CBY2: variants seen among roughly 807,000 people sequenced by gnomAD.
CBY2 encodes the protein chibby family member 2.
CBY2 carries 23 observed loss-of-function variants against 25.3 expected under a neutral mutation model. The ratio of observed to expected loss-of-function variants is 0.91; its 90% CI spans 0.65 to 1.29. CBY2 has a LOEUF of 1.29. Among genes scored for constraint, CBY2 ranks in the 50% most tolerant of loss-of-function variants. The probability of loss-of-function intolerance (pLI) is 0.00; values close to 1 mark genes in which losing one functional copy is unlikely to be tolerated. For missense variants in CBY2, 642 were observed against 590.7 expected (o/e 1.09, Z -0.90); for synonymous variants, 279 against 260.2 (o/e 1.07, Z -0.70).
chr13:45,710,447 C>T (rs1043787875), intron 2 of CBY2, among the ~76,000 whole-genome samples: 5 of 152,128 alleles, frequency 3.3e-5, no homozygotes, highest in Admixed American at 6.5e-5. Context: ...TGCTTGAACC[C>T]GGAAGGCGGA....
chr13:45,707,819 T>C (rs1033033574), intron 2 of CBY2, among the ~76,000 whole-genome samples: 1 of 152,228 alleles, frequency 6.6e-6, no homozygotes, highest in African/African-American at 2.4e-5. Context: ...TTATCAGCTA[T>C]GTAATCTTAT....
intron 2 of CBY2, among the ~76,000 whole-genome samples, chr13:45,712,886 G>A (rs9316153): frequency 0.71 from 107,462 of 152,120 alleles, 41,288 homozygotes; most frequent in Non-Finnish European, 0.88. Flanking sequence ...TGTATTGCTT[G>A]GTTGACAAAA....
rs533443725 is a variant in CBY2, at chr13:45,713,681, T to C, written c.656T>C (p.Leu219Pro). The change falls in exon 3 of 3, where the codon CTG becomes CCG. Residue 219 changes from leucine (L) to proline (P), a missense_variant. By Grantham distance (98) the Leu-to-Pro change is moderately conservative (BLOSUM62 -3). Coordinates refer to ENST00000310521, the MANE Select transcript of CBY2 (RefSeq NM_152719.3). The surrounding 1 kb of genome is among the most constrained non-coding windows in gnomAD (Gnocchi z 5.0). ...GAGAGCCGGGCCCCCTCGCCACTGC[T>C]GCACAAAGACAGCGCGTCCCTGGAG... ...REESRAPSPLLHKDSASLEVV... is the reference protein window; with the variant it reads ...REESRAPSPLPHKDSASLEVV... 6.2e-7 allele frequency: 1 copy of C among 1,612,866 alleles called. No individual in the cohort carries two copies. Among genetic ancestry groups the C allele is most frequent in the Non-Finnish European group, 8.5e-7 (1 of 1,179,968 alleles).
At chr13:45,710,513 A>C (rs9316151) in intron 2 of CBY2, among the ~76,000 whole-genome samples, 124,377 of 152,022 alleles carry the variant, frequency 0.82, 51,459 homozygotes, top group African/African-American at 0.85. Context: ...ACAGAGTGAG[A>C]CTCCGTCTCA....
chr13:45,703,629 G>A, intron 2 of CBY2: 1 of 1,525,164 alleles, frequency 6.6e-7, no homozygotes, highest in Non-Finnish European at 8.9e-7. Flanking sequence ...ATGTGTAGGA[G>A]GAGGATTGAC....
chr13:45,704,739 C>T lies in CBY2; in HGVS notation c.156+1884C>T, dbSNP rs1285189936. Among the ~76,000 whole-genome samples, 3 of 152,202 alleles carry T rather than the reference C, an allele frequency of 2.0e-5. No individual in the cohort carries two copies. Among genetic ancestry groups the T allele is most frequent in the Non-Finnish European group, 4.4e-5 (3 of 68,026 alleles). Reference sequence around the variant, plus strand: ...TTACAGGTACAGGAACCGGCAACCCCAGGAACCCCACTAGTAATGGCAGAG... The same window carrying T: ...TTACAGGTACAGGAACCGGCAACCCTAGGAACCCCACTAGTAATGGCAGAG... On this transcript the variant is annotated intron_variant, in intron 2 of 2. Transcript: ENST00000310521. The surrounding 1 kb of genome is among the most constrained non-coding windows in gnomAD (Gnocchi z 4.1).
intron 2 of CBY2, chr13:45,703,421 C>T: frequency 1.3e-6 from 2 of 1,506,310 alleles, no homozygotes; most frequent in East Asian, 4.9e-5. Context: ...CTCCTCCTGC[C>T]TGCAATCAGC....
Position 45,704,549 on chromosome 13 carries a change from G to T in CBY2, c.156+1694G>T, listed in dbSNP as rs1950229579. ...GATGATCCGAACCAAAATACCACCAGGCCTGCGAGAGGGACCAGTGTGCTC... is the reference window on the plus strand; with the variant it reads ...GATGATCCGAACCAAAATACCACCATGCCTGCGAGAGGGACCAGTGTGCTC... On this transcript the variant is annotated intron_variant, in intron 2 of 2. Transcript: ENST00000310521. The surrounding 1 kb of genome is among the most constrained non-coding windows in gnomAD (Gnocchi z 4.1). 6.6e-6 allele frequency among the ~76,000 whole-genome samples: 1 copy of T among 152,208 alleles called. No homozygotes were observed. The highest frequency in any genetic ancestry group is 1.5e-5 in the Non-Finnish European group (1 of 68,044).
Position 45,714,049 on chromosome 13 carries a change from G to A in CBY2, c.1024G>A (p.Glu342Lys), listed in dbSNP as rs1406135188. ...SNMSGPSGEE[E>K]AKVGPGLPDG... is the part of the protein sequence containing the mutation. ...CATGTCCGGGCCCTCCGGGGAGGAG[G>A]AGGCCAAGGTGGGCCCGGGCCTGCC... is the stretch of plus-strand genomic sequence containing the variant. Residue 342 changes from glutamate to lysine, a missense_variant, in exon 3 of 3, where the codon GAG becomes AAG. Physicochemically the swap from Glu to Lys is moderately conservative, Grantham distance 56. Coordinates refer to ENST00000310521, the MANE Select transcript of CBY2 (RefSeq NM_152719.3). 6.7e-7 allele frequency: 1 copy of A among 1,501,068 alleles called. No homozygotes were observed. The highest frequency in any genetic ancestry group is 8.9e-7 in the Non-Finnish European group (1 of 1,124,330). 93.0% of individuals were successfully genotyped at this position (1,501,068 alleles called of 1,614,324 possible). A position where few individuals can be genotyped will look rare whatever the true frequency, so the allele number is the denominator to read the frequency against.
intron 1 of CBY2, 47 bp downstream of exon 1, chr13:45,702,512 G>T: frequency 6.6e-7 from 1 of 1,521,030 alleles, no homozygotes; most frequent in Non-Finnish European, 9.1e-7. Flanking sequence ...AGACAGGGAA[G>T]CAGGTACAGC....
At chr13:45,708,265 T>C (rs1950250696) in intron 2 of CBY2, among the ~76,000 whole-genome samples, 1 of 152,228 alleles carries the variant, frequency 6.6e-6, no homozygotes, top group African/African-American at 2.4e-5. Flanking sequence ...CATGCACTCA[T>C]ATAGTGCAGA....
chr13:45,702,639 C>T, intron 1 of CBY2, 136 bp from the exon 2 acceptor site: 1 of 892,494 alleles, frequency 1.1e-6, no homozygotes, highest in South Asian at 1.6e-5. Context: ...TTCTTTCAGA[C>T]TCAGACTTTC....
At chr13:45,703,258 C>A in intron 2 of CBY2, 1 of 1,297,178 alleles carries the variant, frequency 7.7e-7, no homozygotes, top group Non-Finnish European at 9.8e-7. Flanking sequence ...GAGAAGAAAA[C>A]CTCATCCGTG....
chr13:45,702,943 T>C (rs1950219673), intron 2 of CBY2, 88 bp downstream of exon 2: 2 of 1,266,284 alleles, frequency 1.6e-6, no homozygotes, highest in Admixed American at 3.9e-5. Flanking sequence ...CAAGATGTTG[T>C]AGAATAAGCA....
rs968503422 is a variant in CBY2, at chr13:45,703,395, C to A, written c.156+540C>A. ...AATGAATTGGTGAAGTCCTCACAGGCTATAGAGTCTCAGGTCTCCTCCTGC... is the reference window on the plus strand; with the variant it reads ...AATGAATTGGTGAAGTCCTCACAGGATATAGAGTCTCAGGTCTCCTCCTGC... On this transcript the variant is annotated intron_variant, in intron 2 of 2. Transcript: ENST00000310521. The A allele has an allele frequency of 1.5e-5, 22 of 1,474,070 alleles. No homozygotes were observed. In the African/African-American group the frequency reaches 2.7e-4, roughly 18 times the overall value. 91.3% of individuals were successfully genotyped at this position (1,474,070 alleles called of 1,614,324 possible). A position where few individuals can be genotyped will look rare whatever the true frequency, so the allele number is the denominator to read the frequency against.
intron 2 of CBY2, among the ~76,000 whole-genome samples, chr13:45,710,454 C>T (rs1206516258): frequency 3.3e-5 from 5 of 152,124 alleles, no homozygotes; most frequent in Non-Finnish European, 7.3e-5. Context: ...ACCCGGAAGG[C>T]GGAGGTTGCA....
chr13:45,706,150 T>C (rs1950238495), intron 2 of CBY2, among the ~76,000 whole-genome samples: 1 of 152,254 alleles, frequency 6.6e-6, no homozygotes, highest in Non-Finnish European at 1.5e-5. Context: ...CTTTTCCTTT[T>C]GCCCTTTGGC....
chr13:45,703,310 A>G lies in CBY2; in HGVS notation c.156+455A>G. The G allele has an allele frequency of 2.9e-6, 4 of 1,380,106 alleles. No individual in the cohort carries two copies. The South Asian group carries it at 6.9e-5, about 24-fold the overall frequency. 85.5% of individuals were successfully genotyped at this position (1,380,106 alleles called of 1,614,324 possible). Reference sequence around the variant, plus strand: ...GTTATTTGGAGCTGTCAAGAGAATTAAGCCCTGCTATGCATCAAAGACAGA... The same window carrying G: ...GTTATTTGGAGCTGTCAAGAGAATTGAGCCCTGCTATGCATCAAAGACAGA... On this transcript the variant is annotated intron_variant, in intron 2 of 2. Transcript: ENST00000310521.
chr13:45,710,038 T>C (rs1199824372), intron 2 of CBY2, among the ~76,000 whole-genome samples: 1 of 152,158 alleles, frequency 6.6e-6, no homozygotes, highest in Non-Finnish European at 1.5e-5. Flanking sequence ...AAAATGAATT[T>C]AGTAGGTAGA....
Sources: allele counts gnomAD v4.1 joint callset (sites outside exome capture counted in the v4.1 genomes callset), GRCh38; gene constraint gnomAD v4.1.1; non-coding constraint Gnocchi (gnomAD v3.1); transcripts MANE v1.5; gene names NCBI Gene and HGNC (gene_info 2026-07-23, HGNC 2026-07-21).